Variants in SLF2 observed in about 807,000 individuals in gnomAD.
SLF2 encodes SMC5-SMC6 complex localization factor protein 2.
SLF2 carries 68 observed loss-of-function variants against 124.3 expected under a neutral mutation model. The ratio of observed to expected loss-of-function variants is 0.55; its 90% CI spans 0.45 to 0.67. SLF2 has a LOEUF of 0.67. SLF2 is among the 30% of genes least tolerant of loss of function. The probability of loss-of-function intolerance (pLI) is 0.00; values close to 1 mark genes in which losing one functional copy is unlikely to be tolerated. For synonymous variants in SLF2, 480 were observed against 478.8 expected, an observed-to-expected ratio of 1.00 and a Z score of -0.03; for missense variants, 1,246 against 1,373.7, an observed-to-expected ratio of 0.91 and a Z score of 1.47.
rs1850182128 is a variant in SLF2 at position 100,950,105 on chromosome 10, G to A, written c.3150G>A (p.Gln1050=). Residue 1050 remains glutamine, a synonymous_variant, in exon 16 of 20, where the codon CAG becomes CAA. Transcript: ENST00000238961. The part of the protein sequence containing the change: ...QVSVLHRYLV[Q]MKPSDLLKKM... ...CAGTCCTACATCGCTATCTTGTGCA[G>A]ATGAAGCCTTCTGATTTGTTAAAGA... The A allele has an allele frequency of 1.2e-6, 2 of 1,613,680 alleles. No individual in the cohort carries two copies. Among genetic ancestry groups the A allele is most frequent in the Non-Finnish European group, 1.7e-6 (2 of 1,179,812 alleles).
chr10:100,922,333 G>GATTACAGGCAT (rs1849536280), intron 4 of SLF2, among the ~76,000 whole-genome samples: 1 of 152,122 alleles, frequency 6.6e-6, no homozygotes, highest in African/African-American at 2.4e-5. Flanking sequence ...AAAGTGCTGG[G>GATTACAGGCAT]ATTACAGGCA....
At position 100,924,115 on chromosome 10, in the gene SLF2, G is replaced by A. The variant is rs1849566311; in HGVS notation, c.1114G>A (p.Glu372Lys). 1 of 1,613,256 alleles carries A rather than the reference G, an allele frequency of 6.2e-7. No homozygotes were observed. Among genetic ancestry groups the A allele is most frequent in the Non-Finnish European group, 8.5e-7 (1 of 1,179,830 alleles). The change falls in exon 5 of 20, where the codon GAA (glutamate) becomes AAA (lysine). Residue 372 changes from glutamate to lysine, a missense_variant. Physicochemically the swap from Glu to Lys is moderately conservative, Grantham distance 56. This residue lies in a region of SLF2 where 698 missense variants were observed against 708.9 expected (regional missense o/e 0.98). Transcript: ENST00000238961. ...GCGTCCTGATGGACCACATCAGAAA[G>A]AAAAATTTATAAAACATATTGCACT... Reference protein sequence around the residue: ...EKRPDGPHQKEKFIKHIALKT... With the variant: ...EKRPDGPHQKKKFIKHIALKT...
chr10:100,945,773 G>GC (rs756891179), intron 13 of SLF2, among the ~76,000 whole-genome samples: 54 of 152,318 alleles, frequency 3.5e-4, no homozygotes, highest in Non-Finnish European at 7.2e-4. Context: ...AGATTGAGCT[G>GC]TGAAAGAGAC....
intron 5 of SLF2, 128 bp downstream of exon 5, chr10:100,925,100 G>T: frequency 1.0e-6 from 1 of 1,003,976 alleles, no homozygotes; most frequent in Non-Finnish European, 1.4e-6. Context: ...ACTGAAAATG[G>T]AATAATTCTT....
chr10:100,942,946 A>G (rs1850010884), intron 11 of SLF2, among the ~76,000 whole-genome samples: 1 of 119,046 alleles, frequency 8.4e-6, no homozygotes, highest in South Asian at 2.9e-4. Context: ...TCATCATTTG[A>G]TGCCTTAGCC....
chr10:100,930,149 T>G (rs1849703213), intron 8 of SLF2, 152 bp downstream of exon 8: 1 of 496,758 alleles, frequency 2.0e-6, no homozygotes, highest in African/African-American at 2.0e-5. Flanking sequence ...TGTTTTCTTC[T>G]TTAATTATAG....
Position 100,929,949 on chromosome 10 carries a change from G to A in SLF2, c.2285G>A (p.Arg762Lys), listed in dbSNP as rs751066381. Residue 762 changes from arginine to lysine, a missense_variant, in exon 8 of 20, where the codon AGA becomes AAA. Physicochemically the swap from Arg to Lys is conservative, Grantham distance 26. This residue lies in a region of SLF2 where 535 missense variants were observed against 632.8 expected (regional missense o/e 0.85). Transcript: ENST00000238961. The part of the protein sequence containing the change: ...KIFNQYTLDL[R>K]DSGFIGQSAV... ...TTCAATCAGTATACCTTGGATTTAA[G>A]AGACTCTGGTTTTATTGGACAAAGT... 2.8e-5 allele frequency: 44 copies of A among 1,568,640 alleles called. No homozygotes were observed. The highest frequency in any genetic ancestry group is 3.7e-5 in the Non-Finnish European group (43 of 1,160,112).
rs1377974292 is a variant in SLF2 at position 100,916,920 on chromosome 10, A to G, written c.535A>G (p.Ile179Val). 3 of 1,614,216 alleles carry G rather than the reference A, an allele frequency of 1.9e-6. No homozygotes were observed. The highest frequency in any genetic ancestry group is 1.7e-5 in the Admixed American group (1 of 60,028). Residue 179 changes from isoleucine to valine, a missense_variant, in exon 3 of 20, where the codon ATT becomes GTT. Physicochemically the swap from Ile to Val is conservative, Grantham distance 29 (BLOSUM62 3). Around this residue, in one of 3 missense-constraint regions of SLF2, gnomAD observed 698 missense variants for 708.9 expected, o/e 0.98. Coordinates refer to ENST00000238961, the MANE Select transcript of SLF2 (RefSeq NM_018121.4). ...RSPERRKSLF[I>V]HENNEKNDRD... ...CCCAGAGAGAAGGAAGTCACTATTCATTCATGAAAATAATGAGAAGAATGA... is the reference window on the plus strand; with the variant it reads ...CCCAGAGAGAAGGAAGTCACTATTCGTTCATGAAAATAATGAGAAGAATGA...
At chr10:100,942,053 C>G (rs547774425) in intron 11 of SLF2, among the ~76,000 whole-genome samples, 52 of 152,224 alleles carry the variant, frequency 3.4e-4, no homozygotes, top group African/African-American at 1.2e-3. Context: ...AATGTTTCCT[C>G]TACATTTACA....
chr10:100,932,733 G>A (rs918680914), intron 9 of SLF2, among the ~76,000 whole-genome samples: 5 of 151,546 alleles, frequency 3.3e-5, no homozygotes, highest in Non-Finnish European at 7.4e-5. Flanking sequence ...GCGCGCGCGC[G>A]CGCGCACATT....
chr10:100,952,551 A>AG (rs1486103163), intron 17 of SLF2, among the ~76,000 whole-genome samples: 1 of 151,694 alleles, frequency 6.6e-6, no homozygotes, highest in East Asian at 1.9e-4. Flanking sequence ...CACCTCAAAA[A>AG]AAAAAAAAAG....
At position 100,924,501 on chromosome 10, in the gene SLF2, AAAAGAT is replaced by A. The variant is rs1187874143; in HGVS notation, c.1506_1511del (p.Asp502_Lys503del). 2 of 1,614,156 alleles carry A rather than the reference AAAAGAT, an allele frequency of 1.2e-6. No homozygotes were observed. The highest frequency in any genetic ancestry group is 1.7e-5 in the Admixed American group (1 of 60,028). On this transcript the variant is annotated inframe_deletion, in exon 5 of 20. Transcript: ENST00000238961. ...AAAATTGTGCTCTTCCAGTTTCTAA[AAAAGAT>A]AAAGAGCGTTCCTCATCTAAAGAAT...
intron 6 of SLF2, among the ~76,000 whole-genome samples, chr10:100,928,588 G>T (rs1484553662): frequency 6.6e-6 from 1 of 152,064 alleles, no homozygotes; most frequent in African/African-American, 2.4e-5. Flanking sequence ...TTGTGGCTGG[G>T]GTAAGGACCT....
chr10:100,927,272 C>G (rs776666642), intron 6 of SLF2, among the ~76,000 whole-genome samples: 1 of 151,902 alleles, frequency 6.6e-6, no homozygotes, highest in Non-Finnish European at 1.5e-5. Flanking sequence ...TCCTCCCACC[C>G]TCAGCAACTA....
chr10:100,946,452 G>A (rs928984982), intron 13 of SLF2, among the ~76,000 whole-genome samples: 3 of 151,048 alleles, frequency 2.0e-5, no homozygotes, highest in Admixed American at 6.6e-5. Flanking sequence ...TCAACCTCCC[G>A]AGTAGATGAG....
In SLF2 at chr10:100,916,775, G is replaced by A. The variant is rs1849421992; in HGVS notation, c.390G>A (p.Glu130=). The A allele has an allele frequency of 1.9e-6, 3 of 1,613,052 alleles. No homozygotes were observed. Among genetic ancestry groups the A allele is most frequent in the African/African-American group, 2.7e-5 (2 of 74,762 alleles). Residue 130 remains glutamate, a synonymous_variant, in exon 3 of 20, where the codon GAG becomes GAA. Coordinates refer to ENST00000238961, the MANE Select transcript of SLF2 (RefSeq NM_018121.4). ...ACCATGAAGATCATGGTATACATGA[G>A]TCACGTCGGCCTTGTCTGTCACTAG... ...KEHHEDHGIH[E]SRRPCLSLAS...
chr10:100,925,679 C>T (rs989861435), intron 5 of SLF2, among the ~76,000 whole-genome samples: 4 of 152,116 alleles, frequency 2.6e-5, no homozygotes, highest in African/African-American at 9.7e-5. Flanking sequence ...GACAGGGTAG[C>T]CACAGAGTCC....
At chr10:100,954,653 A>C (rs1850290889) in intron 17 of SLF2, among the ~76,000 whole-genome samples, 1 of 152,188 alleles carries the variant, frequency 6.6e-6, no homozygotes, top group Non-Finnish European at 1.5e-5. Flanking sequence ...TCCTATAGAA[A>C]AAAAAATAGG....
At chr10:100,947,016 TC>T in intron 13 of SLF2, 22 bp from the exon 14 acceptor site, 1 of 1,575,394 alleles carries the variant, frequency 6.3e-7, no homozygotes, top group Non-Finnish European at 8.7e-7. Context: ...TGAAAAGAAA[TC>T]TTACATGTTC....
Sources: gnomAD v4.1 joint callset for allele counts (sites outside exome capture counted in the v4.1 genomes callset) on GRCh38, gnomAD v4.1.1 for gene constraint, gnomAD v4.1.1 regional missense constraint, MANE v1.5 for transcripts, NCBI Gene and HGNC (gene_info 2026-07-23, HGNC 2026-07-21) for gene names.